The following ANO10 variants were observed in gnomAD, a reference collection of about 807,000 sequenced individuals.
ANO10 encodes anoctamin-10.
Under a neutral mutation model 74.7 loss-of-function variants are expected in ANO10, and 77 were observed. The observed-to-expected ratio is 1.03, with a 90% CI of 0.86 to 1.25. The LOEUF is 1.25. Ranked by LOEUF, ANO10 falls within the 50% of genes most tolerant of loss-of-function variation. ANO10 has a pLI of 0.00. For missense variants in ANO10, 721 were observed against 778.1 expected, an observed-to-expected ratio of 0.93 and a Z score of 0.87; for synonymous variants, 279 against 284.9, an observed-to-expected ratio of 0.98 and a Z score of 0.21.
At chr3:43,564,691 T>G (rs2080222682) in intron 8 of ANO10, among the ~76,000 whole-genome samples, 1 of 152,202 alleles carries the variant, frequency 6.6e-6, no homozygotes, top group Admixed American at 6.5e-5. Flanking sequence ...TACATGAATC[T>G]TTGCTCCTCT....
intron 7 of ANO10, among the ~76,000 whole-genome samples, chr3:43,570,959 A>G (rs2080675935): frequency 6.8e-6 from 1 of 146,736 alleles, no homozygotes. Context: ...AATATCCAGA[A>G]TCTACAATGA....
At chr3:43,534,542 G>A (rs2078619551) in intron 11 of ANO10, among the ~76,000 whole-genome samples, 1 of 152,074 alleles carries the variant, frequency 6.6e-6, no homozygotes, top group African/African-American at 2.4e-5. Flanking sequence ...TTGGGGGGAG[G>A]GAGGGAGGAG....
At chr3:43,499,954 C>A (rs2077042602) in intron 11 of ANO10, among the ~76,000 whole-genome samples, 1 of 152,018 alleles carries the variant, frequency 6.6e-6, no homozygotes, top group Non-Finnish European at 1.5e-5. Context: ...GTCTCAGCCT[C>A]CTGAGTAGCT....
chr3:43,493,532 A>G (rs761756977), intron 11 of ANO10, among the ~76,000 whole-genome samples: 2 of 152,210 alleles, frequency 1.3e-5, no homozygotes, highest in Non-Finnish European at 2.9e-5. Context: ...GCAACTAAAC[A>G]GGCTACCACA....
chr3:43,646,818 CT>C (rs1472791567), intron 1 of ANO10, among the ~76,000 whole-genome samples: 1 of 152,140 alleles, frequency 6.6e-6, no homozygotes, highest in Non-Finnish European at 1.5e-5. Flanking sequence ...CCTCTTCTTT[CT>C]TTACATAGAC....
chr3:43,597,941 C>T (rs1053494021), intron 4 of ANO10, among the ~76,000 whole-genome samples: 1 of 149,840 alleles, frequency 6.7e-6, no homozygotes, highest in Admixed American at 6.7e-5. Context: ...ACAACAACAA[C>T]AACAAAAAAA....
At chr3:43,429,442 T>G (rs1237345100) in intron 12 of ANO10, among the ~76,000 whole-genome samples, 2 of 152,198 alleles carry the variant, frequency 1.3e-5, no homozygotes, top group East Asian at 1.9e-4. Context: ...CTGAGTAACA[T>G]GAAGCATGAT....
At chr3:43,506,630 C>T (rs887642058) in intron 11 of ANO10, among the ~76,000 whole-genome samples, 4 of 152,156 alleles carry the variant, frequency 2.6e-5, no homozygotes. Flanking sequence ...GATCCAGCCA[C>T]GAGTTTCTTT....
chr3:43,537,157 C>T (rs1263509231), intron 11 of ANO10, among the ~76,000 whole-genome samples: 2 of 152,170 alleles, frequency 1.3e-5, no homozygotes, highest in Non-Finnish European at 2.9e-5. Flanking sequence ...AAGAGCTCTA[C>T]CTGTCATCTT....
At chr3:43,409,306 G>T (rs6441775) in intron 12 of ANO10, among the ~76,000 whole-genome samples, 28,095 of 152,104 alleles carry the variant, frequency 0.18, 3,122 homozygotes, top group Middle Eastern at 0.35. Context: ...CCAGCACTTT[G>T]GGAGGCCGAG....
At chr3:43,537,611 CCACACACA>C (rs3223349) in intron 11 of ANO10, among the ~76,000 whole-genome samples, 75 of 140,058 alleles carry the variant, frequency 5.4e-4, no homozygotes, top group Middle Eastern at 3.5e-3. Context: ...ACTTTATAAA[CCACACACA>C]CACACACACA....
intron 11 of ANO10, among the ~76,000 whole-genome samples, chr3:43,542,285 TGAGGGATGAATGA>T (rs2078991646): frequency 6.6e-6 from 1 of 151,948 alleles, no homozygotes; most frequent in African/African-American, 2.4e-5. Flanking sequence ...CAAGTCTTGA[TGAGGGATGAATGA>T]GAGGGAGGGA....
intron 7 of ANO10, among the ~76,000 whole-genome samples, chr3:43,569,202 C>A (rs1390610625): frequency 7.1e-6 from 1 of 140,428 alleles, no homozygotes; most frequent in Non-Finnish European, 1.5e-5. Context: ...CAATAGCTTA[C>A]CAACCAAAAA....
intron 12 of ANO10, among the ~76,000 whole-genome samples, chr3:43,405,681 C>T (rs112396935): frequency 0.015 from 2,292 of 152,132 alleles, 65 homozygotes; most frequent in African/African-American, 0.052. Flanking sequence ...ACCATGTTGC[C>T]CAGGCTACTC....
At position 43,366,687 on chromosome 3, in the gene ANO10, G is replaced by T; in HGVS notation, c.*219C>A. On this transcript the variant is annotated 3_prime_UTR_variant, in exon 13 of 13. Coordinates refer to ENST00000292246, the MANE Select transcript of ANO10 (RefSeq NM_018075.5). ...TGGGGCCCGGGAAGGAACTGGGAAGGAGCAGACAGGGTGGGGCTGGGGGAA... is the reference window on the plus strand; with the variant it reads ...TGGGGCCCGGGAAGGAACTGGGAAGTAGCAGACAGGGTGGGGCTGGGGGAA... The T allele has an allele frequency of 1.6e-6, 1 of 613,132 alleles. No individual in the cohort carries two copies. 38.0% of individuals were successfully genotyped at this position (613,132 alleles called of 1,614,324 possible). A position where few individuals can be genotyped will look rare whatever the true frequency, so the allele number is the denominator to read the frequency against.
chr3:43,430,806 G>A (rs967761818), intron 12 of ANO10, among the ~76,000 whole-genome samples: 3 of 151,686 alleles, frequency 2.0e-5, no homozygotes, highest in Non-Finnish European at 4.4e-5. Flanking sequence ...AATTGGTATT[G>A]GATATTTACA....
intron 4 of ANO10, among the ~76,000 whole-genome samples, chr3:43,591,042 T>A (rs573977084): frequency 1.3e-5 from 2 of 152,318 alleles, no homozygotes; most frequent in African/African-American, 4.8e-5. Flanking sequence ...GATCGGGATA[T>A]AAACCCAGGC....
At chr3:43,481,795 T>C (rs750033359) in intron 11 of ANO10, among the ~76,000 whole-genome samples, 15 of 152,168 alleles carry the variant, frequency 9.9e-5, no homozygotes, top group Non-Finnish European at 2.2e-4. Context: ...AATCCACCTA[T>C]GACCTGGAAG....
At chr3:43,606,533 G>A (rs1227963163) in intron 1 of ANO10, among the ~76,000 whole-genome samples, 1 of 151,966 alleles carries the variant, frequency 6.6e-6, no homozygotes, top group Admixed American at 6.6e-5. Flanking sequence ...CAGTTAGGGG[G>A]CCATTAAAGG....
Sources: gnomAD v4.1 joint callset for allele counts (sites outside exome capture counted in the v4.1 genomes callset) on GRCh38, gnomAD v4.1.1 for gene constraint, MANE v1.5 for transcripts, NCBI Gene and HGNC (gene_info 2026-07-23, HGNC 2026-07-21) for gene names.